Variants in TSPAN15 observed in about 807,000 individuals in gnomAD.
The protein encoded by TSPAN15 is tetraspanin 15.
TSPAN15 carries 20 observed loss-of-function variants against 34.5 expected under a neutral mutation model. The ratio of observed to expected loss-of-function variants is 0.58; its 90% confidence interval spans 0.41 to 0.84. TSPAN15 has a LOEUF of 0.84. TSPAN15 is among the 40% of genes least tolerant of loss of function. TSPAN15 has a pLI of 0.00. For missense variants in TSPAN15, 313 were observed against 386.1 expected, an observed-to-expected ratio of 0.81 and a Z score of 1.59; for synonymous variants, 155 against 153.9, an observed-to-expected ratio of 1.01 and a Z score of -0.05.
At chr10:69,513,417 C>G in the TSPAN15 span, among the ~76,000 whole-genome samples, 3 of 152,232 alleles carry the variant, frequency 2.0e-5, no homozygotes, top group Admixed American at 6.5e-5. Context: ...CACCATTGCC[C>G]CGGCTGCCCT....
intron 1 of TSPAN15, among the ~76,000 whole-genome samples, chr10:69,453,099 A>G (rs1841009963): frequency 6.6e-6 from 1 of 152,088 alleles, no homozygotes; most frequent in Admixed American, 6.5e-5. Context: ...TTTCCAATCC[A>G]ATTCTCTGAC....
intron 1 of TSPAN15, among the ~76,000 whole-genome samples, chr10:69,459,926 C>A (rs1415804253): frequency 1.5e-5 from 2 of 133,150 alleles, no homozygotes; most frequent in East Asian, 2.0e-4. Flanking sequence ...AGGCACCCCC[C>A]CCCCACGAAT....
rs879359625 is a variant in TSPAN15, at chr10:69,455,573, CTTTTCTTTCTTTCTT to C, written c.96+3885_96+3899del. On this transcript the variant is annotated intron_variant, in intron 1 of 7. Coordinates refer to ENST00000373290, the MANE Select transcript of TSPAN15 (RefSeq NM_012339.5). ...TCTCTCTCTCTCTTTCTTTCTTTCT[CTTTTCTTTCTTTCTT>C]TCTCTTTCTTTCTTTCTTTCTCTCT... 4.5e-3 allele frequency among the ~76,000 whole-genome samples: 558 copies of C among 123,974 alleles called. 11 individuals carry two copies. The highest frequency in any genetic ancestry group is 0.011 in the South Asian group (41 of 3,846). 81.3% of individuals were successfully genotyped at this position (123,974 alleles called of 152,430 possible).
intron 5 of TSPAN15, among the ~76,000 whole-genome samples, chr10:69,501,014 C>T (rs1193604434): frequency 2.0e-5 from 3 of 152,024 alleles, no homozygotes; most frequent in East Asian, 1.9e-4. Context: ...AGGATTTGCT[C>T]GCATAGCAGA....
the TSPAN15 span, among the ~76,000 whole-genome samples, chr10:69,513,127 T>G: frequency 6.6e-6 from 1 of 152,216 alleles, no homozygotes; most frequent in African/African-American, 2.4e-5. Context: ...GTCATGCTAA[T>G]GGGTGTGTGG....
At chr10:69,498,143 G>T in intron 4 of TSPAN15, 137 bp from the exon 5 acceptor site, 2 of 715,500 alleles carry the variant, frequency 2.8e-6, no homozygotes, top group Non-Finnish European at 4.8e-6. Flanking sequence ...GCTCTGACTT[G>T]AAAGTGTACA....
At chr10:69,471,392 C>G (rs1017967541) in intron 1 of TSPAN15, among the ~76,000 whole-genome samples, 1 of 152,168 alleles carries the variant, frequency 6.6e-6, no homozygotes, top group African/African-American at 2.4e-5. Flanking sequence ...CAATGAGGAG[C>G]AGATCTGAGA....
chr10:69,467,903 G>A (rs1490982424), intron 1 of TSPAN15, among the ~76,000 whole-genome samples: 1 of 152,062 alleles, frequency 6.6e-6, no homozygotes, highest in Non-Finnish European at 1.5e-5. Context: ...ATGTCCCAGT[G>A]CATCTGAAAC....
chr10:69,526,786 CAAAAA>C, the TSPAN15 span, among the ~76,000 whole-genome samples: 26 of 60,992 alleles, frequency 4.3e-4, no homozygotes, highest in South Asian at 2.2e-3. Flanking sequence ...GACCCTGTCT[CAAAAA>C]AAAAAAAAAA....
intron 3 of TSPAN15, among the ~76,000 whole-genome samples, chr10:69,485,930 G>C (rs557069211): frequency 5.3e-5 from 8 of 152,322 alleles, no homozygotes; most frequent in African/African-American, 1.4e-4. Context: ...AGGTTGACAG[G>C]GTGATGCCTG....
intron 1 of TSPAN15, among the ~76,000 whole-genome samples, chr10:69,474,738 G>C (rs1250409288): frequency 6.6e-6 from 1 of 152,076 alleles, no homozygotes; most frequent in Non-Finnish European, 1.5e-5. Flanking sequence ...TTCATTCCTG[G>C]GCTCCCTAAG....
At chr10:69,532,534 A>T in the TSPAN15 span, among the ~76,000 whole-genome samples, 2 of 152,228 alleles carry the variant, frequency 1.3e-5, no homozygotes, top group African/African-American at 4.8e-5. Context: ...TCAACTCAAG[A>T]TGGATTAAGG....
At position 69,507,061 on chromosome 10, in the gene TSPAN15, C is replaced by T. The variant is rs1345377789; in HGVS notation, c.*83C>T. On this transcript the variant is annotated 3_prime_UTR_variant, in exon 8 of 8. Coordinates refer to ENST00000373290, the MANE Select transcript of TSPAN15 (RefSeq NM_012339.5). Reference sequence around the variant, plus strand: ...AACATCGTGGGGCTGGACAGGGCTGCGGCCCCTCTGCCCACACTCAGTACT... The same window carrying T: ...AACATCGTGGGGCTGGACAGGGCTGTGGCCCCTCTGCCCACACTCAGTACT... 1.8e-5 allele frequency: 28 copies of T among 1,550,148 alleles called. No homozygotes were observed. Among genetic ancestry groups the T allele is most frequent in the Middle Eastern group, 2.3e-4 (1 of 4,406 alleles).
At chr10:69,459,932 C>T (rs560510565) in intron 1 of TSPAN15, among the ~76,000 whole-genome samples, 3 of 137,638 alleles carry the variant, frequency 2.2e-5, no homozygotes, top group Non-Finnish European at 3.2e-5. Context: ...CCCCCCCCCA[C>T]GAATGGAGGG....
chr10:69,463,804 G>A (rs1170498867), intron 1 of TSPAN15, among the ~76,000 whole-genome samples: 7 of 101,884 alleles, frequency 6.9e-5, no homozygotes, highest in South Asian at 3.0e-4. Context: ...GTGAGACTCC[G>A]TCTCAAAAAA....
chr10:69,483,010 A>G (rs1333785224), intron 1 of TSPAN15, among the ~76,000 whole-genome samples: 2 of 151,474 alleles, frequency 1.3e-5, no homozygotes, highest in African/African-American at 4.9e-5. Flanking sequence ...GTTTTTTGAG[A>G]CCGAGTCTCG....
Position 69,495,436 on chromosome 10 carries a change from C to G in TSPAN15, c.358-158C>G, listed in dbSNP as rs184118895. 563 of 610,066 alleles carry G rather than the reference C, an allele frequency of 9.2e-4. 1 individual carries two copies. In the African/African-American group the frequency reaches 9.3e-3, roughly 10 times the overall value. 37.8% of individuals were successfully genotyped at this position (610,066 alleles called of 1,614,324 possible). On this transcript the variant is annotated intron_variant, in intron 3 of 7. Transcript: ENST00000373290. ...GGAGGATGTGTGGGTAGGGAGGTCA[C>G]GGGCATCCAGGGTGGGGAGTGGAGG...
chr10:69,539,494 A>AAGAAG, the TSPAN15 span, among the ~76,000 whole-genome samples: 1 of 66,012 alleles, frequency 1.5e-5, no homozygotes, highest in Non-Finnish European at 3.1e-5. Context: ...GAAGAAGAAG[A>AAGAAG]AGAAGAAGAA....
chr10:69,465,062 C>T (rs550743048), intron 1 of TSPAN15, among the ~76,000 whole-genome samples: 1 of 152,366 alleles, frequency 6.6e-6, no homozygotes, highest in East Asian at 1.9e-4. Context: ...AGCCCTGTCC[C>T]TGTCCCCTTG....
Sources: allele counts gnomAD v4.1 joint callset (sites outside exome capture counted in the v4.1 genomes callset), GRCh38; gene constraint gnomAD v4.1.1; transcripts MANE v1.5; gene names NCBI Gene and HGNC (gene_info 2026-07-23, HGNC 2026-07-21).